The following HDAC9 variants were observed in gnomAD, a reference collection of about 807,000 sequenced individuals.
HDAC9 encodes histone deacetylase 9, also known as MEF-2 interacting transcription repressor (MITR) protein.
In HDAC9, 41 loss-of-function variants were observed where a neutral mutation model predicts 139.4. The ratio of observed to expected loss-of-function variants is 0.29; its 90% CI spans 0.23 to 0.38. The LOEUF (loss-of-function observed/expected upper bound fraction) is 0.38, where lower values mean the gene tolerates loss of function less well. HDAC9 is among the 10% of genes least tolerant of loss of function. The probability of loss-of-function intolerance (pLI) is 1.00; values close to 1 mark genes in which losing one functional copy is unlikely to be tolerated. For synonymous variants in HDAC9, 517 were observed against 476.2 expected (o/e 1.09, Z -1.12); for missense variants, 1,147 against 1,297.0 (o/e 0.88, Z 1.78).
intron 17 of HDAC9, among the ~76,000 whole-genome samples, chr7:18,826,915 T>A (rs1795489432): frequency 6.6e-6 from 1 of 151,828 alleles, no homozygotes; most frequent in East Asian, 1.9e-4. Flanking sequence ...ATATATTTTT[T>A]CCCCATTAGA....
At chr7:18,975,600 C>A (rs187298971) in intron 24 of HDAC9, among the ~76,000 whole-genome samples, 25 of 152,250 alleles carry the variant, frequency 1.6e-4, no homozygotes, top group Admixed American at 1.4e-3. Flanking sequence ...GAGGGAGACT[C>A]AGCTTGGGAA....
chr7:18,775,086 C>T (rs1297547157), intron 16 of HDAC9, among the ~76,000 whole-genome samples: 3 of 151,896 alleles, frequency 2.0e-5, no homozygotes, highest in African/African-American at 4.8e-5. Context: ...AAAGACTGAT[C>T]GGTGGAGCAG....
At chr7:18,489,807 T>A (rs1460897963) in intron 1 of HDAC9, among the ~76,000 whole-genome samples, 1 of 152,036 alleles carries the variant, frequency 6.6e-6, no homozygotes, top group Admixed American at 6.6e-5. Context: ...CCATATTGAT[T>A]TCTCCTCCTG....
intron 12 of HDAC9, among the ~76,000 whole-genome samples, chr7:18,672,531 T>C (rs769869060): frequency 1.3e-5 from 2 of 152,086 alleles, no homozygotes; most frequent in African/African-American, 2.4e-5. Flanking sequence ...AAGTGTTCTT[T>C]GATGCACAAA....
At chr7:18,410,227 G>A (rs1053382187) in intron 1 of HDAC9, among the ~76,000 whole-genome samples, 1 of 152,132 alleles carries the variant, frequency 6.6e-6, no homozygotes, top group Non-Finnish European at 1.5e-5. Context: ...TATGGTCAGG[G>A]TGATGGAGCA....
chr7:18,332,711 T>C (rs1801021196), intron 1 of HDAC9, among the ~76,000 whole-genome samples: 1 of 151,626 alleles, frequency 6.6e-6, no homozygotes, highest in Non-Finnish European at 1.5e-5. Context: ...ATTTAAATAG[T>C]TGAAAAATAC....
At chr7:18,380,422 T>C (rs1442691770) in intron 1 of HDAC9, among the ~76,000 whole-genome samples, 3 of 152,232 alleles carry the variant, frequency 2.0e-5, no homozygotes, top group Admixed American at 2.0e-4. Flanking sequence ...AAATCGTATA[T>C]TGCAGTTTGG....
chr7:18,512,861 C>G (rs1233633328), intron 2 of HDAC9, among the ~76,000 whole-genome samples: 1 of 151,998 alleles, frequency 6.6e-6, no homozygotes, highest in Middle Eastern at 3.2e-3. Flanking sequence ...TGTAAAGCAA[C>G]AAATGGAGAG....
chr7:18,642,173 G>A (rs958964239), intron 8 of HDAC9, among the ~76,000 whole-genome samples: 1 of 152,024 alleles, frequency 6.6e-6, no homozygotes, highest in African/African-American at 2.4e-5. Context: ...AGATATGGGG[G>A]ACACAGAACC....
intron 1 of HDAC9, among the ~76,000 whole-genome samples, chr7:18,325,202 A>G (rs1263850803): frequency 1.3e-5 from 2 of 152,304 alleles, no homozygotes; most frequent in East Asian, 3.9e-4. Context: ...CAAGGTTAAG[A>G]TAAGCATGTG....
intron 2 of HDAC9, among the ~76,000 whole-genome samples, chr7:18,187,698 C>T (rs1056694313): frequency 5.9e-5 from 9 of 152,174 alleles, no homozygotes; most frequent in African/African-American, 4.8e-5. Context: ...TCAGCCTAAT[C>T]CATACAGTGT....
chr7:18,245,025 T>C (rs199616595), intron 2 of HDAC9, among the ~76,000 whole-genome samples: 525 of 19,564 alleles, frequency 0.027, 4 homozygotes, highest in African/African-American at 0.092. Context: ...ATCTATCTAT[T>C]GATGCATTCC....
intron 1 of HDAC9, among the ~76,000 whole-genome samples, chr7:18,320,609 C>T (rs538350346): frequency 1.3e-5 from 2 of 152,310 alleles, no homozygotes; most frequent in South Asian, 2.1e-4. Flanking sequence ...GTCATTCTTT[C>T]TGCTGACTCA....
chr7:18,310,638 C>T (rs1450479409), intron 1 of HDAC9, among the ~76,000 whole-genome samples: 1 of 152,166 alleles, frequency 6.6e-6, no homozygotes, highest in Non-Finnish European at 1.5e-5. Flanking sequence ...TCCCAACAAT[C>T]CCTTGTCCAG....
intron 14 of HDAC9, among the ~76,000 whole-genome samples, chr7:18,751,219 A>G (rs1584972618): frequency 6.6e-6 from 1 of 152,164 alleles, no homozygotes; most frequent in Admixed American, 6.6e-5. Flanking sequence ...GTAATATCAA[A>G]CACAAGTTGA....
chr7:18,226,491 A>G (rs922508951), intron 2 of HDAC9, among the ~76,000 whole-genome samples: 2 of 152,190 alleles, frequency 1.3e-5, no homozygotes, highest in African/African-American at 4.8e-5. Flanking sequence ...CTCCTCCTGG[A>G]AGAATAAGTG....
At chr7:18,212,825 A>C (rs1306240886) in intron 2 of HDAC9, among the ~76,000 whole-genome samples, 1 of 152,220 alleles carries the variant, frequency 6.6e-6, no homozygotes, top group African/African-American at 2.4e-5. Flanking sequence ...TTCCTAATCA[A>C]AGTGGTTGTT....
chr7:18,772,592 G>A (rs1790407470), intron 16 of HDAC9, among the ~76,000 whole-genome samples: 1 of 151,910 alleles, frequency 6.6e-6, no homozygotes, highest in African/African-American at 2.4e-5. Context: ...TTCCTCCACT[G>A]TTGCTATCAA....
chr7:18,317,660 C>G (rs1159058649), intron 1 of HDAC9, among the ~76,000 whole-genome samples: 1 of 152,272 alleles, frequency 6.6e-6, no homozygotes, highest in East Asian at 1.9e-4. Context: ...CTGATAACTG[C>G]TAAATCAACT....
Sources: allele counts gnomAD v4.1 joint callset (sites outside exome capture counted in the v4.1 genomes callset), GRCh38; gene constraint gnomAD v4.1.1; transcripts MANE v1.5; gene names NCBI Gene and HGNC (gene_info 2026-07-23, HGNC 2026-07-21).